ICAM2: variants seen among roughly 807,000 people sequenced by gnomAD.
ICAM2 encodes intercellular adhesion molecule 2.
In ICAM2, 14 loss-of-function variants were observed where a neutral mutation model predicts 19.1. The observed-to-expected ratio is 0.73, with a 90% CI of 0.48 to 1.15. ICAM2 has a LOEUF of 1.15. ICAM2 is among the 50% of genes most tolerant of loss of function. The probability of loss-of-function intolerance (pLI) is 0.00; values close to 1 mark genes in which losing one functional copy is unlikely to be tolerated. For synonymous variants in ICAM2, 153 were observed against 152.7 expected (o/e 1.00, Z -0.01); for missense variants, 311 against 355.4 (o/e 0.88, Z 1.00).
chr17:64,004,149 T>C, intron 3 of ICAM2, 185 bp from the exon 4 acceptor site: 1 of 574,728 alleles, frequency 1.7e-6, no homozygotes, highest in Non-Finnish European at 3.1e-6. Context: ...TGTGGTAGTT[T>C]TACAGACATG....
At chr17:64,003,487 A>G (rs551996141) in intron 4 of ICAM2, 157 bp downstream of exon 4, 1 of 703,058 alleles carries the variant, frequency 1.4e-6, no homozygotes, top group Non-Finnish European at 2.4e-6. Context: ...GGGGACTTGG[A>G]AAGAACTTCA....
At chr17:64,017,549 A>G (rs1911763333) in intron 1 of ICAM2, among the ~76,000 whole-genome samples, 1 of 152,200 alleles carries the variant, frequency 6.6e-6, no homozygotes, top group African/African-American at 2.4e-5. Context: ...GGTCAGTGCA[A>G]TTCCAATTAA....
At chr17:64,014,601 A>AAGGG (rs150793498) in intron 1 of ICAM2, among the ~76,000 whole-genome samples, 8 of 134,304 alleles carry the variant, frequency 6.0e-5, no homozygotes, top group South Asian at 5.4e-4. Flanking sequence ...GAAAGAAAGA[A>AAGGG]AGGGAGGGAG....
chr17:64,007,000 G>A (rs1387620848), intron 1 of ICAM2: 11 of 383,432 alleles, frequency 2.9e-5, no homozygotes, highest in South Asian at 1.4e-4. Context: ...TGTATGAGAC[G>A]TGTGCACAGG....
rs141873473 is a variant in ICAM2, at chr17:64,019,687, G to A, written c.-45+836C>T. Among the ~76,000 whole-genome samples the A allele has an allele frequency of 4.4e-3, 673 of 151,894 alleles. 5 individuals carry two copies. Among genetic ancestry groups the A allele is most frequent in the African/African-American group, 0.015 (633 of 41,426 alleles). On this transcript the variant is annotated intron_variant, in intron 1 of 4. Coordinates refer to ENST00000579788, the MANE Select transcript of ICAM2 (RefSeq NM_001099789.2). Reference sequence around the variant, plus strand: ...AAATTAGCTGGGCATGGTGGCATGCGCACCTGTAGTCCCAGCTACTTGGGA... The same window carrying A: ...AAATTAGCTGGGCATGGTGGCATGCACACCTGTAGTCCCAGCTACTTGGGA...
At chr17:64,014,099 T>C (rs145832609) in intron 1 of ICAM2, among the ~76,000 whole-genome samples, 339 of 152,164 alleles carry the variant, frequency 2.2e-3, no homozygotes, top group Non-Finnish European at 4.2e-3. Flanking sequence ...TGAATGATAA[T>C]GAAAATATCA....
intron 1 of ICAM2, among the ~76,000 whole-genome samples, chr17:64,011,921 A>G (rs1483568401): frequency 1.3e-5 from 2 of 152,220 alleles, no homozygotes; most frequent in Non-Finnish European, 2.9e-5. Context: ...CTGGGTATAT[A>G]TCCAAATGAA....
In ICAM2 at chr17:64,008,749, A is replaced by G. The variant is rs563340101; in HGVS notation, c.-44-2014T>C. ...GAAAAGCAACATAGCAGAAGGCCAG[A>G]GGAAGGTTCTGGGGCCTGCCTCACT... On this transcript the variant is annotated intron_variant, in intron 1 of 4. Transcript: ENST00000579788. 4.6e-5 allele frequency among the ~76,000 whole-genome samples: 7 copies of G among 152,336 alleles called. No homozygotes were observed. The East Asian group carries it at 9.6e-4, about 21-fold the overall frequency.
At chr17:64,010,489 A>G (rs978073521) in intron 1 of ICAM2, among the ~76,000 whole-genome samples, 1 of 151,160 alleles carries the variant, frequency 6.6e-6, no homozygotes, top group Non-Finnish European at 1.5e-5. Context: ...CTTTGGAAGG[A>G]TTATGCTCTG....
chr17:64,017,516 A>C (rs902758664), intron 1 of ICAM2, among the ~76,000 whole-genome samples: 1 of 152,182 alleles, frequency 6.6e-6, no homozygotes. Context: ...AAAGATGTAA[A>C]TTATTCTGTA....
intron 4 of ICAM2, 128 bp from the exon 5 acceptor site, chr17:64,003,053 AC>A: frequency 4.2e-6 from 3 of 710,488 alleles, no homozygotes; most frequent in Non-Finnish European, 4.7e-6. Flanking sequence ...TCCAGCAGTC[AC>A]CCCAGTTGCA....
intron 1 of ICAM2, among the ~76,000 whole-genome samples, chr17:64,018,164 G>A (rs1369397264): frequency 2.6e-5 from 4 of 151,474 alleles, no homozygotes; most frequent in Non-Finnish European, 5.9e-5. Flanking sequence ...AAACCCCATC[G>A]CTACTGAAAA....
intron 1 of ICAM2, 84 bp from the exon 2 acceptor site, chr17:64,006,819 T>C (rs1364144920): frequency 2.5e-6 from 2 of 790,516 alleles, no homozygotes; most frequent in Admixed American, 2.5e-5. Flanking sequence ...TTTCCTCTCA[T>C]TATCTGAGAG....
chr17:64,014,585 A>C (rs186559986), intron 1 of ICAM2, among the ~76,000 whole-genome samples: 1 of 135,222 alleles, frequency 7.4e-6, no homozygotes, highest in East Asian at 2.4e-4. Context: ...GGAAGGAAGG[A>C]AGGAAGAAAG....
In ICAM2 at chr17:64,002,741, T is replaced by C. The variant is rs1378552976; in HGVS notation, c.*6A>G. ...ACCGTGGTGGTGGCCATGCCACTCATGGTTGCTATGGCCGGAAGGCCTGGG... is the reference window on the plus strand; with the variant it reads ...ACCGTGGTGGTGGCCATGCCACTCACGGTTGCTATGGCCGGAAGGCCTGGG... On this transcript the variant is annotated 3_prime_UTR_variant, in exon 5 of 5. Coordinates refer to ENST00000579788, the MANE Select transcript of ICAM2 (RefSeq NM_001099789.2). 1.9e-6 allele frequency: 3 copies of C among 1,610,098 alleles called. No homozygotes were observed. The highest frequency in any genetic ancestry group is 2.2e-5 in the East Asian group (1 of 44,868).
chr17:64,003,143 A>C, intron 4 of ICAM2: 1 of 548,660 alleles, frequency 1.8e-6, no homozygotes, highest in Non-Finnish European at 3.3e-6. Flanking sequence ...TACCAGCTGG[A>C]CTTCTGTGTG....
chr17:64,007,915 C>T (rs1473149287), intron 1 of ICAM2: 1 of 152,162 alleles, frequency 6.6e-6, no homozygotes, highest in African/African-American at 2.4e-5. Context: ...CAGTCTCATC[C>T]CTCAGTTCTG....
chr17:64,016,400 G>T (rs908822677), intron 1 of ICAM2, among the ~76,000 whole-genome samples: 1 of 152,200 alleles, frequency 6.6e-6, no homozygotes, highest in Non-Finnish European at 1.5e-5. Flanking sequence ...TCCCTTTTAA[G>T]CTGCCAGTGC....
intron 1 of ICAM2, among the ~76,000 whole-genome samples, chr17:64,008,384 C>A (rs1911307051): frequency 6.6e-6 from 1 of 152,162 alleles, no homozygotes; most frequent in Non-Finnish European, 1.5e-5. Flanking sequence ...GTAGTGGAGA[C>A]TCTGTGTCCT....
Sources: gnomAD v4.1 joint callset for allele counts (sites outside exome capture counted in the v4.1 genomes callset) on GRCh38, gnomAD v4.1.1 for gene constraint, MANE v1.5 for transcripts, NCBI Gene and HGNC (gene_info 2026-07-23, HGNC 2026-07-21) for gene names.